The following DLC1 variants were observed in gnomAD, a reference collection of about 807,000 sequenced individuals.
DLC1 encodes DLC1 Rho GTPase activating protein, also known as rho GTPase-activating protein 7.
Under a neutral mutation model 140.3 loss-of-function variants are expected in DLC1, and 54 were observed. The ratio of observed to expected loss-of-function variants is 0.38; its 90% CI spans 0.31 to 0.48. DLC1 has a LOEUF of 0.48. Among genes scored for constraint, DLC1 ranks in the 20% least tolerant of loss-of-function variants. The pLI, the probability that DLC1 is intolerant of heterozygous loss-of-function variation, is 0.96. For missense variants in DLC1, 2,536 were observed against 1,907.0 expected (o/e 1.33, Z -6.14); for synonymous variants, 986 against 728.1 (o/e 1.35, Z -5.70).
At chr8:13,359,917 G>A (rs1169386371) in intron 4 of DLC1, among the ~76,000 whole-genome samples, 1 of 152,174 alleles carries the variant, frequency 6.6e-6, no homozygotes, top group Non-Finnish European at 1.5e-5. Context: ...TATTGCAGAT[G>A]CATTTACACT....
At chr8:13,392,119 A>AT (rs1563308861) in intron 4 of DLC1, among the ~76,000 whole-genome samples, 1 of 152,062 alleles carries the variant, frequency 6.6e-6, no homozygotes, top group Non-Finnish European at 1.5e-5. Flanking sequence ...ATTACTGTTG[A>AT]TTTTTCAGTT....
Position 13,503,808 on chromosome 8 carries a change from G to A in DLC1, c.-125-3612C>T, listed in dbSNP as rs535514680. On this transcript the variant is annotated intron_variant, in intron 1 of 17. Coordinates refer to ENST00000276297, the MANE Select transcript of DLC1 (RefSeq NM_182643.3). ...TGCTACTGAAGCTTACCAATTTTGT[G>A]GGAGAAACTCCTGTAGACAAGGATA... 5.9e-5 allele frequency among the ~76,000 whole-genome samples: 9 copies of A among 152,234 alleles called. No homozygotes were observed. In the South Asian group the frequency reaches 1.9e-3, roughly 32 times the overall value.
At chr8:13,111,657 C>G (rs1444608066) in intron 6 of DLC1, among the ~76,000 whole-genome samples, 1 of 152,090 alleles carries the variant, frequency 6.6e-6, no homozygotes, top group Non-Finnish European at 1.5e-5. Context: ...TACAACAGCT[C>G]TGAAATTGCC....
chr8:13,138,449 C>T (rs1822726427), intron 5 of DLC1, among the ~76,000 whole-genome samples: 1 of 152,214 alleles, frequency 6.6e-6, no homozygotes, highest in African/African-American at 2.4e-5. Flanking sequence ...TAAACCTCTG[C>T]TCTAGTGATA....
chr8:13,567,240 G>C, intron 1 of DLC1: 4 of 1,551,548 alleles, frequency 2.6e-6, no homozygotes, highest in Non-Finnish European at 3.5e-6. Flanking sequence ...AAAAGAAGTT[G>C]AGTAAAAAAT....
chr8:13,514,750 T>C lies in DLC1; in HGVS notation c.-274A>G, dbSNP rs148492337. On this transcript the variant is annotated 5_prime_UTR_variant, in exon 1 of 18. Transcript: ENST00000276297. ...CTATTCTGAGCAGTTTCACGCAGTG[T>C]GTGAGTCTAACAAAAACACCCTCTG... 7.2e-3 allele frequency: 2,884 copies of C among 398,006 alleles called. 19 individuals carry two copies. The highest frequency in any genetic ancestry group is 0.029 in the Middle Eastern group (46 of 1,582). 24.7% of individuals were successfully genotyped at this position (398,006 alleles called of 1,614,324 possible). A position where few individuals can be genotyped will look rare whatever the true frequency, so the allele number is the denominator to read the frequency against.
At chr8:13,604,529 A>C (rs1021339417) in intron 1 of DLC1, 24 of 152,198 alleles carry the variant, frequency 1.6e-4, no homozygotes, top group African/African-American at 5.3e-4. Flanking sequence ...GAAGGAAAAG[A>C]GTTTTACCTG....
chr8:13,418,449 C>A (rs1838170540), intron 2 of DLC1, among the ~76,000 whole-genome samples: 1 of 152,142 alleles, frequency 6.6e-6, no homozygotes, highest in Non-Finnish European at 1.5e-5. Context: ...CCAGTTTTCC[C>A]AGCACCATTT....
intron 5 of DLC1, among the ~76,000 whole-genome samples, chr8:13,192,827 C>T (rs1826840617): frequency 6.6e-6 from 1 of 152,148 alleles, no homozygotes; most frequent in Non-Finnish European, 1.5e-5. Flanking sequence ...AGAAGGTGGT[C>T]GTCGGCAAGC....
intron 1 of DLC1, among the ~76,000 whole-genome samples, chr8:13,597,192 C>G (rs1805710093): frequency 6.6e-6 from 1 of 151,992 alleles, no homozygotes; most frequent in African/African-American, 2.4e-5. Context: ...CATTCAGAAT[C>G]AGAATGCCCA....
At chr8:13,417,333 A>T (rs1389095199) in intron 2 of DLC1, among the ~76,000 whole-genome samples, 1 of 151,478 alleles carries the variant, frequency 6.6e-6, no homozygotes, top group Admixed American at 6.6e-5. Flanking sequence ...AGCATTAGGT[A>T]TATCTCCTAA....
At chr8:13,415,991 C>T (rs1838038326) in intron 2 of DLC1, among the ~76,000 whole-genome samples, 1 of 152,022 alleles carries the variant, frequency 6.6e-6, no homozygotes, top group South Asian at 2.1e-4. Flanking sequence ...AGTGGCACAC[C>T]CTAAAATAAG....
chr8:13,585,565 A>C (rs1337705898), intron 1 of DLC1, among the ~76,000 whole-genome samples: 1 of 152,224 alleles, frequency 6.6e-6, no homozygotes, highest in Non-Finnish European at 1.5e-5. Context: ...TGGATGTCAA[A>C]ACAACATACG....
chr8:13,443,884 G>A (rs1185813533), intron 2 of DLC1, among the ~76,000 whole-genome samples: 4 of 151,962 alleles, frequency 2.6e-5, no homozygotes, highest in Admixed American at 2.0e-4. Flanking sequence ...CATGTTTGGC[G>A]TTTCTCCCTA....
intron 1 of DLC1, among the ~76,000 whole-genome samples, chr8:13,583,130 A>G (rs944569552): frequency 8.6e-5 from 13 of 151,872 alleles, no homozygotes; most frequent in Non-Finnish European, 1.3e-4. Flanking sequence ...TAAGACAATA[A>G]TGAAATTTGC....
chr8:13,147,840 T>C (rs1823543462), intron 5 of DLC1, among the ~76,000 whole-genome samples: 1 of 151,990 alleles, frequency 6.6e-6, no homozygotes, highest in Admixed American at 6.6e-5. Flanking sequence ...AGACAAAAAT[T>C]AGCTGGGCGT....
chr8:13,602,018 A>G lies in DLC1; in HGVS notation c.-126+2519T>C, dbSNP rs545267080. On this transcript the variant is annotated intron_variant, in intron 1 of 1. Coordinates refer to the DLC1 transcript ENST00000631382. ...GTCATAAAAAGGAAAACAACTACAT[A>G]TTAAGTGCCTCCTGATGGATGAACA... Among the ~76,000 whole-genome samples, 3 of 151,966 alleles carry G rather than the reference A, an allele frequency of 2.0e-5. No individual in the cohort carries two copies. The East Asian group carries it at 5.8e-4, about 29-fold the overall frequency.
chr8:13,216,899 A>C (rs4831899), intron 5 of DLC1, among the ~76,000 whole-genome samples: 54,859 of 151,932 alleles, frequency 0.36, 10,780 homozygotes, highest in East Asian at 0.82. Context: ...TTAACCTGTA[A>C]TTGTTCTCTA....
chr8:13,463,470 CAG>C (rs1799770828), intron 2 of DLC1, among the ~76,000 whole-genome samples: 1 of 152,094 alleles, frequency 6.6e-6, no homozygotes, highest in Non-Finnish European at 1.5e-5. Flanking sequence ...TTCAGACTAA[CAG>C]AATATTTCCT....
Sources: allele counts gnomAD v4.1 joint callset (sites outside exome capture counted in the v4.1 genomes callset), GRCh38; gene constraint gnomAD v4.1.1; transcripts MANE v1.5; gene names NCBI Gene and HGNC (gene_info 2026-07-23, HGNC 2026-07-21).